Variants in GRID2IP observed in about 807,000 individuals in gnomAD.
GRID2IP encodes Grid2 interacting protein, also known as delphilin.
In GRID2IP, 78 loss-of-function variants were observed where a neutral mutation model predicts 114.3. The observed-to-expected ratio is 0.68, with a 90% CI of 0.57 to 0.82. The LOEUF (loss-of-function observed/expected upper bound fraction) is 0.82. Ranked by LOEUF, GRID2IP falls within the 40% of genes least tolerant of loss-of-function variation. The pLI is 0.00. For missense variants in GRID2IP, 1,727 were observed against 1,678.5 expected, an observed-to-expected ratio of 1.03 and a Z score of -0.51; for synonymous variants, 809 against 724.0, an observed-to-expected ratio of 1.12 and a Z score of -1.89.
At chr7:6,510,755 C>A in intron 9 of GRID2IP, 49 bp from the exon 10 acceptor site, 1 of 1,517,504 alleles carries the variant, frequency 6.6e-7, no homozygotes, top group Non-Finnish European at 8.9e-7. Flanking sequence ...CGGCTCAGGC[C>A]CCGGCCCAGA....
chr7:6,539,982 G>A (rs1048182728), intron 1 of GRID2IP, 110 bp from the exon 2 acceptor site: 9 of 933,328 alleles, frequency 9.6e-6, no homozygotes, highest in African/African-American at 5.0e-5. Flanking sequence ...GATGGCTGAC[G>A]TGGGCGTACC....
At position 6,503,641 on chromosome 7, in the gene GRID2IP, C is replaced by CT; in HGVS notation, c.2756dup (p.Val920GlyfsTer82). On this transcript the variant is annotated frameshift_variant, in exon 16 of 22. Transcript: ENST00000457091. LOFTEE classifies it high-confidence loss of function. ...GCCGGGGCTCCATGCTCATCAGCAC[C>CT]TGGCGCAGCTCCGCGGGGCTCAGCT... is the stretch of plus-strand genomic sequence containing the variant. 6.6e-7 allele frequency: 1 copy of CT among 1,522,404 alleles called. No homozygotes were observed. The highest frequency in any genetic ancestry group is 8.8e-7 in the Non-Finnish European group (1 of 1,141,524). The allele number at this position is 1,522,404 out of a possible 1,614,324, so 94.3% of individuals were successfully genotyped here.
In GRID2IP at chr7:6,508,420, G is replaced by T; in HGVS notation, c.2128-19C>A. The stretch of plus-strand genomic sequence containing the variant: ...AGCTCATCTGGTGGTGGGGAGAGAG[G>T]CAAGGGGAGGGTGAGGCTGGGCCCA... On this transcript the variant is annotated intron_variant, in intron 12 of 21. Coordinates refer to ENST00000457091, the MANE Select transcript of GRID2IP (RefSeq NM_001145118.2). The surrounding 1 kb of genome is among the most constrained non-coding windows in gnomAD (Gnocchi z 5.6). 6.4e-7 allele frequency: 1 copy of T among 1,550,830 alleles called. No homozygotes were observed. The highest frequency in any genetic ancestry group is 8.7e-7 in the Non-Finnish European group (1 of 1,147,032).
intron 1 of GRID2IP, among the ~76,000 whole-genome samples, chr7:6,548,623 G>T (rs184069028): frequency 6.6e-6 from 1 of 152,014 alleles, no homozygotes; most frequent in African/African-American, 2.4e-5. Context: ...GGATCACGAG[G>T]TCAGGAGTTC....
chr7:6,542,779 T>A (rs1779833093), intron 1 of GRID2IP, among the ~76,000 whole-genome samples: 1 of 152,180 alleles, frequency 6.6e-6, no homozygotes, highest in African/African-American at 2.4e-5. Context: ...GTTACAATCC[T>A]GTGAATATAT....
chr7:6,549,146 G>C (rs1779930528), intron 1 of GRID2IP, among the ~76,000 whole-genome samples: 1 of 152,180 alleles, frequency 6.6e-6, no homozygotes, highest in Non-Finnish European at 1.5e-5. Context: ...ATACTAGGCA[G>C]CTTCTTCTTT....
At position 6,521,751 on chromosome 7, in the gene GRID2IP, TGGA is replaced by T. The variant is rs537424830; in HGVS notation, c.989+134_989+136del. On this transcript the variant is annotated intron_variant, in intron 5 of 21. Transcript: ENST00000457091. The surrounding 1 kb of genome is among the most constrained non-coding windows in gnomAD (Gnocchi z 4.1). The stretch of plus-strand genomic sequence containing the variant: ...GAGGGTTAGATTCAAGAGTTCCCAT[TGGA>T]AGAGGGACAGACCCTGGGGACCAAA... 6.4e-3 allele frequency: 4,593 copies of T among 714,926 alleles called. 22 individuals are homozygous for T. The highest frequency in any genetic ancestry group is 8.2e-3 in the Non-Finnish European group (3,453 of 422,518). 44.3% of individuals were successfully genotyped at this position (714,926 alleles called of 1,614,324 possible).
At position 6,526,054 on chromosome 7, in the gene GRID2IP, C is replaced by T. The variant is rs1779504791; in HGVS notation, c.919+170G>A. Reference sequence around the variant, plus strand: ...TAGGTAGGAATGGGATTCAGATCTGCTGGCTCTGGGACACTCTGGGGACAC... The same window carrying T: ...TAGGTAGGAATGGGATTCAGATCTGTTGGCTCTGGGACACTCTGGGGACAC... On this transcript the variant is annotated intron_variant, in intron 4 of 21. Transcript: ENST00000457091. This position sits in a 1 kb window ranked among gnomAD's most constrained non-coding sequence, Gnocchi z 7.6. Among the ~76,000 whole-genome samples, 1 of 152,126 alleles carries T rather than the reference C, an allele frequency of 6.6e-6. No homozygotes were observed. The highest frequency in any genetic ancestry group is 1.5e-5 in the Non-Finnish European group (1 of 68,032).
chr7:6,543,365 C>G (rs796938543), intron 1 of GRID2IP, among the ~76,000 whole-genome samples: 6 of 151,750 alleles, frequency 4.0e-5, no homozygotes, highest in African/African-American at 1.4e-4. Context: ...CCACTGCACT[C>G]CAGCCTGGTG....
In GRID2IP at chr7:6,503,586, G is replaced by T; in HGVS notation, c.2812C>A (p.Leu938Met). ...RLEPAHLAQL[L>M]LFAPDADEEQ... Reference sequence around the variant, plus strand: ...TCGTCGGCGTCGGGCGCGAAGAGCAGCAGCTGCGCGAGATGTGCGGGCTCC... The same window carrying T: ...TCGTCGGCGTCGGGCGCGAAGAGCATCAGCTGCGCGAGATGTGCGGGCTCC... The change falls in exon 16 of 22, where the codon CTG becomes ATG. Residue 938 changes from leucine to methionine, a missense_variant. By Grantham distance (15) the Leu-to-Met change is conservative. Coordinates refer to ENST00000457091, the MANE Select transcript of GRID2IP (RefSeq NM_001145118.2). 1 of 1,529,418 alleles carries T rather than the reference G, an allele frequency of 6.5e-7. No individual in the cohort carries two copies. Among genetic ancestry groups the T allele is most frequent in the East Asian group, 2.5e-5 (1 of 40,184 alleles). 94.7% of individuals were successfully genotyped at this position (1,529,418 alleles called of 1,614,324 possible).
At chr7:6,505,268 G>A (rs1786543361) in intron 14 of GRID2IP, among the ~76,000 whole-genome samples, 1 of 152,130 alleles carries the variant, frequency 6.6e-6, no homozygotes, top group African/African-American at 2.4e-5. Context: ...TAGGAAGTGG[G>A]GGGTGATCAC....
rs923355068 is a variant in GRID2IP at position 6,507,241 on chromosome 7, C to T, written c.2544+744G>A. 6.6e-6 allele frequency among the ~76,000 whole-genome samples: 1 copy of T among 152,180 alleles called. No homozygotes were observed. Among genetic ancestry groups the T allele is most frequent in the Non-Finnish European group, 1.5e-5 (1 of 68,032 alleles). On this transcript the variant is annotated intron_variant, in intron 13 of 21. Coordinates refer to ENST00000457091, the MANE Select transcript of GRID2IP (RefSeq NM_001145118.2). The surrounding 1 kb of genome is among the most constrained non-coding windows in gnomAD (Gnocchi z 5.3). ...CCATATTAAAAGGAGTATGATGTCCCAGTCAAAGGAGCTGAGAACCCTGTT... is the reference window on the plus strand; with the variant it reads ...CCATATTAAAAGGAGTATGATGTCCTAGTCAAAGGAGCTGAGAACCCTGTT...
At chr7:6,541,006 T>C (rs1018047726) in intron 1 of GRID2IP, among the ~76,000 whole-genome samples, 1 of 152,070 alleles carries the variant, frequency 6.6e-6, no homozygotes, top group Non-Finnish European at 1.5e-5. Flanking sequence ...TTGGCTAATC[T>C]GTTTTTTTAT....
intron 1 of GRID2IP, among the ~76,000 whole-genome samples, chr7:6,546,089 T>C (rs1482479193): frequency 2.0e-5 from 3 of 151,774 alleles, no homozygotes; most frequent in Non-Finnish European, 4.4e-5. Context: ...GGATTTTCTA[T>C]TAAATATCAG....
chr7:6,525,070 C>G (rs1475358690), intron 4 of GRID2IP, among the ~76,000 whole-genome samples: 1 of 151,956 alleles, frequency 6.6e-6, no homozygotes, highest in Non-Finnish European at 1.5e-5. Flanking sequence ...TTTAGGAGGC[C>G]AAGACGGGTG....
In GRID2IP at chr7:6,507,115, C is replaced by T. The variant is rs1270529492; in HGVS notation, c.2544+870G>A. 6.6e-6 allele frequency among the ~76,000 whole-genome samples: 1 copy of T among 152,172 alleles called. No homozygotes were observed. The highest frequency in any genetic ancestry group is 1.5e-5 in the Non-Finnish European group (1 of 68,038). Reference sequence around the variant, plus strand: ...AGCATGCCTCTGCCCAGTGTGACTACATGTGAGAGTGAGCTATTGATCCCA... The same window carrying T: ...AGCATGCCTCTGCCCAGTGTGACTATATGTGAGAGTGAGCTATTGATCCCA... On this transcript the variant is annotated intron_variant, in intron 13 of 21. Coordinates refer to ENST00000457091, the MANE Select transcript of GRID2IP (RefSeq NM_001145118.2). This position sits in a 1 kb window ranked among gnomAD's most constrained non-coding sequence, Gnocchi z 5.3.
intron 4 of GRID2IP, among the ~76,000 whole-genome samples, chr7:6,524,489 G>GCA (rs375139767): frequency 6.6e-6 from 1 of 152,050 alleles, no homozygotes; most frequent in Non-Finnish European, 1.5e-5. Flanking sequence ...GAATATGAGT[G>GCA]CACACACACA....
At chr7:6,514,976 A>AAG (rs1032566736) in intron 7 of GRID2IP, among the ~76,000 whole-genome samples, 10 of 149,876 alleles carry the variant, frequency 6.7e-5, no homozygotes, top group Admixed American at 1.3e-4. Flanking sequence ...AGAAAAGAAA[A>AAG]AGAGAGAGAG....
intron 2 of GRID2IP, among the ~76,000 whole-genome samples, chr7:6,538,255 A>G (rs1285057758): frequency 2.0e-5 from 3 of 152,088 alleles, no homozygotes; most frequent in African/African-American, 7.2e-5. Flanking sequence ...AGTCCCAGCT[A>G]CTCAGGAGGC....
Sources: gnomAD v4.1 joint callset for allele counts (sites outside exome capture counted in the v4.1 genomes callset) on GRCh38, gnomAD v4.1.1 for gene constraint, Gnocchi (gnomAD v3.1) non-coding constraint, MANE v1.5 for transcripts, NCBI Gene and HGNC (gene_info 2026-07-23, HGNC 2026-07-21) for gene names.